The following TRIM9 variants were observed in gnomAD, a reference collection of about 807,000 sequenced individuals.
TRIM9 encodes the protein tripartite motif containing 9, also known as E3 ubiquitin-protein ligase TRIM9.
In TRIM9, 26 loss-of-function variants were observed where a neutral mutation model predicts 78.3. That is an observed-to-expected ratio of 0.33 (90% CI 0.24 to 0.46). The LOEUF is 0.46. Among genes scored for constraint, TRIM9 ranks in the 20% least tolerant of loss-of-function variants. TRIM9 has a pLI of 1.00. For missense variants in TRIM9, 787 were observed against 1,036.4 expected (o/e 0.76, Z 3.30); for synonymous variants, 398 against 416.5 (o/e 0.96, Z 0.54).
At chr14:51,055,126 T>C (rs1485197807) in intron 1 of TRIM9, among the ~76,000 whole-genome samples, 1 of 152,356 alleles carries the variant, frequency 6.6e-6, no homozygotes, top group Admixed American at 6.5e-5. Context: ...CCGGCCCTTA[T>C]ACTCATTTTT....
At chr14:51,094,008 G>T in intron 1 of TRIM9, 110 bp downstream of exon 1, 1 of 1,105,106 alleles carries the variant, frequency 9.0e-7, no homozygotes, top group Non-Finnish European at 1.3e-6. Flanking sequence ...GAAGGCACCT[G>T]CATTGCGCCC....
chr14:51,079,975 C>T (rs993242236), intron 1 of TRIM9, among the ~76,000 whole-genome samples: 4 of 152,134 alleles, frequency 2.6e-5, no homozygotes, highest in African/African-American at 7.2e-5. Context: ...AAAAAGCTAG[C>T]AAGTAGTGCA....
intron 12 of TRIM9, 88 bp downstream of exon 12, chr14:50,979,299 C>T: frequency 6.2e-7 from 1 of 1,607,500 alleles, no homozygotes; most frequent in South Asian, 1.1e-5. Flanking sequence ...TGTCAGCTTC[C>T]CTCTCTTCGG....
chr14:51,035,048 G>T (rs994134734), intron 1 of TRIM9, among the ~76,000 whole-genome samples: 2 of 99,002 alleles, frequency 2.0e-5, no homozygotes, highest in African/African-American at 6.2e-5. Flanking sequence ...TAAGTGAAAA[G>T]AACAGATTTC....
chr14:51,011,012 C>A (rs72687121), intron 3 of TRIM9, among the ~76,000 whole-genome samples: 3,771 of 152,242 alleles, frequency 0.025, 70 homozygotes, highest in Non-Finnish European at 0.036. Flanking sequence ...TGTTCTGCAT[C>A]TTTTTCCTTG....
chr14:51,047,762 A>G (rs1354418267), intron 1 of TRIM9, among the ~76,000 whole-genome samples: 1 of 152,254 alleles, frequency 6.6e-6, no homozygotes, highest in Non-Finnish European at 1.5e-5. Flanking sequence ...AATGCACCTT[A>G]GAAAACAAGA....
At chr14:51,053,656 T>C (rs2140101783) in intron 1 of TRIM9, among the ~76,000 whole-genome samples, 1 of 149,432 alleles carries the variant, frequency 6.7e-6, no homozygotes, top group African/African-American at 2.5e-5. Flanking sequence ...TGCAGGTTAG[T>C]TACATATGTA....
intron 12 of TRIM9, chr14:50,979,077 T>TA: frequency 1.5e-6 from 2 of 1,332,846 alleles, no homozygotes; most frequent in Non-Finnish European, 1.9e-6. Flanking sequence ...GCCAGTTGGT[T>TA]AAAGGCTTTC....
chr14:51,036,766 C>T (rs1243105031), intron 1 of TRIM9, among the ~76,000 whole-genome samples: 2 of 152,304 alleles, frequency 1.3e-5, no homozygotes, highest in East Asian at 1.9e-4. Context: ...CTCTCTCTCA[C>T]TCTCTGGTAT....
At chr14:51,009,316 A>G in intron 4 of TRIM9, 83 bp from the exon 5 acceptor site, 2 of 1,547,908 alleles carry the variant, frequency 1.3e-6, no homozygotes, top group Non-Finnish European at 1.8e-6. Context: ...CTCCAGGAGC[A>G]TTACTCCCAA....
chr14:51,009,573 C>G (rs1368814426), intron 4 of TRIM9, among the ~76,000 whole-genome samples: 2 of 152,192 alleles, frequency 1.3e-5, no homozygotes, highest in Non-Finnish European at 2.9e-5. Flanking sequence ...TAGTTAATTT[C>G]TATTAGAATC....
At chr14:51,083,347 G>A (rs1205398254) in intron 1 of TRIM9, among the ~76,000 whole-genome samples, 1 of 152,102 alleles carries the variant, frequency 6.6e-6, no homozygotes, top group Non-Finnish European at 1.5e-5. Flanking sequence ...GAACTCCTGG[G>A]CTCAAGTGAC....
At position 51,095,001 on chromosome 14, in the gene TRIM9, C is replaced by T; in HGVS notation, c.-62G>A. ...CGGGTGCCTGAGCTGGCGAGGTGGC[C>T]GACGGGCCCGTCTTGTCCAGCACCC... is the stretch of plus-strand genomic sequence containing the variant. On this transcript the variant is annotated 5_prime_UTR_variant, in exon 1 of 13. Coordinates refer to ENST00000684578, the MANE Select transcript of TRIM9 (RefSeq NM_001387360.1). The T allele has an allele frequency of 7.9e-7, 1 of 1,269,358 alleles. No individual in the cohort carries two copies. The highest frequency in any genetic ancestry group is 1.0e-6 in the Non-Finnish European group (1 of 978,252). 78.6% of individuals were successfully genotyped at this position (1,269,358 alleles called of 1,614,324 possible).
At chr14:50,993,646 T>C (rs188090691) in intron 7 of TRIM9, among the ~76,000 whole-genome samples, 18 of 152,320 alleles carry the variant, frequency 1.2e-4, no homozygotes, top group African/African-American at 4.3e-4. Flanking sequence ...GTCCTCCTTC[T>C]GGCTGGGATT....
chr14:51,026,459 C>T (rs1041226295), intron 1 of TRIM9, among the ~76,000 whole-genome samples: 8 of 152,056 alleles, frequency 5.3e-5, no homozygotes, highest in African/African-American at 1.9e-4. Flanking sequence ...GTACTTGATA[C>T]AAATTCCTTC....
chr14:51,008,919 C>A (rs951863491), intron 5 of TRIM9, among the ~76,000 whole-genome samples, 161 bp downstream of exon 5: 1 of 152,224 alleles, frequency 6.6e-6, no homozygotes, highest in Non-Finnish European at 1.5e-5. Context: ...ATCCAGCTTG[C>A]TGAAAGGTAG....
chr14:50,999,942 A>G (rs1365247733), intron 6 of TRIM9, among the ~76,000 whole-genome samples: 2 of 152,212 alleles, frequency 1.3e-5, no homozygotes, highest in African/African-American at 4.8e-5. Context: ...CCAGGAGGCC[A>G]TTCTGTCCTG....
rs535476459 is a variant in TRIM9, at chr14:51,091,223, A to C, written c.822+2895T>G. 3.5e-4 allele frequency: 54 copies of C among 152,330 alleles called. 2 individuals carry two copies. Among genetic ancestry groups the C allele is most frequent in the African/African-American group, 1.2e-3 (50 of 41,560 alleles). 9.4% of individuals were successfully genotyped at this position (152,330 alleles called of 1,614,324 possible). ...AAAACATTTTAATCTGGCCAGTTGA[A>C]AACTAGTGAATTTCAACCAGATGTT... On this transcript the variant is annotated intron_variant, in intron 1 of 12. Transcript: ENST00000684578.
At chr14:51,047,668 T>C (rs1181761065) in intron 1 of TRIM9, among the ~76,000 whole-genome samples, 4 of 152,072 alleles carry the variant, frequency 2.6e-5, no homozygotes, top group African/African-American at 9.7e-5. Flanking sequence ...TATGGTCTAG[T>C]ACAGGAAAGA....
Sources: gnomAD v4.1 joint callset for allele counts (sites outside exome capture counted in the v4.1 genomes callset) on GRCh38, gnomAD v4.1.1 for gene constraint, MANE v1.5 for transcripts, NCBI Gene and HGNC (gene_info 2026-07-23, HGNC 2026-07-21) for gene names.